Variants in TMEM25 observed in about 807,000 individuals in gnomAD.
TMEM25 encodes the protein 0610039J01Rik.
In TMEM25, 36 loss-of-function variants were observed where a neutral mutation model predicts 37.0. The observed-to-expected ratio is 0.97, with a 90% CI of 0.75 to 1.28. The LOEUF (loss-of-function observed/expected upper bound fraction) is 1.28, where lower values mean the gene tolerates loss of function less well. Among genes scored for constraint, TMEM25 ranks in the 50% most tolerant of loss-of-function variants. TMEM25 has a pLI of 0.00. For synonymous variants in TMEM25, 197 were observed against 203.7 expected, an observed-to-expected ratio of 0.97 and a Z score of 0.28; for missense variants, 444 against 477.9, an observed-to-expected ratio of 0.93 and a Z score of 0.66.
downstream of TMEM25, chr11:118,535,872 T>G (rs11602113): frequency 0.012 from 13,766 of 1,108,844 alleles, 118 homozygotes; most frequent in Non-Finnish European, 0.014. Context: ...TATGTTTTTG[T>G]TTTTGTTTTA....
chr11:118,541,754 C>G (rs1306924393), intron 8 of TMEM25, among the ~76,000 whole-genome samples: 1 of 151,806 alleles, frequency 6.6e-6, no homozygotes, highest in Admixed American at 6.6e-5. Context: ...GTTTAGCTCT[C>G]ACTTATTTTT....
At chr11:118,539,866 C>A (rs1951555815), downstream of TMEM25, among the ~76,000 whole-genome samples, 2 of 151,310 alleles carry the variant, frequency 1.3e-5, no homozygotes, top group South Asian at 4.2e-4. Context: ...ACTAAAAATA[C>A]AAAAATTAGC....
In TMEM25 at chr11:118,532,374, C is replaced by T. The variant is rs782370463; in HGVS notation, c.295C>T (p.His99Tyr). 6.2e-7 allele frequency: 1 copy of T among 1,614,212 alleles called. No individual in the cohort carries two copies. Among genetic ancestry groups the T allele is most frequent in the Admixed American group, 1.7e-5 (1 of 60,026 alleles). ...CACCAGCACCTTCACTGTCACTGCC[C>T]ATCGGGCCCAGCATGAGCTCAACTG... The part of the protein sequence containing the change: ...GGTSTFTVTA[H>Y]RAQHELNCSL... The change falls in exon 3 of 9, where the codon CAT becomes TAT. Residue 99 changes from histidine to tyrosine, a missense_variant. By Grantham distance (83) the His-to-Tyr change is moderately conservative. Transcript: ENST00000313236.
Position 118,531,247 on chromosome 11 carries a change from G to A in TMEM25, c.-28+13G>A, listed in dbSNP as rs1466167648. On this transcript the variant is annotated intron_variant, in intron 1 of 8. Coordinates refer to ENST00000313236, the MANE Select transcript of TMEM25 (RefSeq NM_032780.4). ...GGGAGGGAGCCAGGTGAGCCGCCCC[G>A]GTGGCGGGGGGCGGGGGCGGGATGC... 7.6e-6 allele frequency: 3 copies of A among 394,040 alleles called. No homozygotes were observed. Among genetic ancestry groups the A allele is most frequent in the African/African-American group, 4.3e-5 (2 of 46,026 alleles). The allele number at this position is 394,040 out of a possible 1,614,324, so 24.4% of individuals were successfully genotyped here. A position where few individuals can be genotyped will look rare whatever the true frequency, so the allele number is the denominator to read the frequency against.
chr11:118,544,531 T>C (rs1555066496), intron 8 of TMEM25: 1 of 192,080 alleles, frequency 5.2e-6, no homozygotes, highest in African/African-American at 2.4e-5. Context: ...AATCTGACAA[T>C]ATAATAGAGC....
Position 118,532,379 on chromosome 11 carries a change from G to C in TMEM25, c.300G>C (p.Arg100=). ...GTSTFTVTAH[R]AQHELNCSLQ... The stretch of plus-strand genomic sequence containing the variant: ...GCACCTTCACTGTCACTGCCCATCG[G>C]GCCCAGCATGAGCTCAACTGCTCTC... Residue 100 remains arginine, a synonymous_variant, in exon 3 of 9, where the codon CGG becomes CGC. Coordinates refer to ENST00000313236, the MANE Select transcript of TMEM25 (RefSeq NM_032780.4). 2 of 1,614,182 alleles carry C rather than the reference G, an allele frequency of 1.2e-6. No homozygotes were observed. The highest frequency in any genetic ancestry group is 1.7e-6 in the Non-Finnish European group (2 of 1,180,028).
chr11:118,539,148 G>T (rs939831248), downstream of TMEM25, among the ~76,000 whole-genome samples: 3 of 149,502 alleles, frequency 2.0e-5, no homozygotes, highest in African/African-American at 2.5e-5. Flanking sequence ...CTGTGCGTTT[G>T]AGGTCTTGGT....
chr11:118,531,664 A>G, intron 1 of TMEM25, 111 bp from the exon 2 acceptor site: 1 of 859,904 alleles, frequency 1.2e-6, no homozygotes, highest in South Asian at 1.8e-5. Context: ...GGGCTGGTCT[A>G]CATTTGCGTT....
At chr11:118,545,674 C>T (rs945493696) in intron 8 of TMEM25, 39 of 1,225,260 alleles carry the variant, frequency 3.2e-5, no homozygotes, top group African/African-American at 5.9e-5. Context: ...AAGAGCACAA[C>T]GGGCTTAAAG....
At position 118,532,299 on chromosome 11, in the gene TMEM25, G is replaced by A. The variant is rs782754802; in HGVS notation, c.220G>A (p.Ala74Thr). 2 of 1,614,230 alleles carry A rather than the reference G, an allele frequency of 1.2e-6. No individual in the cohort carries two copies. Among genetic ancestry groups the A allele is most frequent in the South Asian group, 1.1e-5 (1 of 91,088 alleles). ...AWYLDGQLQE[A>T]STSRLLSVGG... ...GTATCTGGATGGACAGCTGCAGGAG[G>A]CCAGCACCTCAAGACTGCTGAGCGT... Residue 74 changes from alanine (A) to threonine (T), a missense_variant, in exon 3 of 9, where the codon GCC becomes ACC. Transcript: ENST00000313236.
Position 118,535,519 on chromosome 11 carries a change from C to T in TMEM25, c.*939C>T, listed in dbSNP as rs1951488728. The T allele has an allele frequency of 6.5e-7, 1 of 1,533,674 alleles. No homozygotes were observed. Among genetic ancestry groups the T allele is most frequent in the Non-Finnish European group, 8.7e-7 (1 of 1,145,406 alleles). On this transcript the variant is annotated 3_prime_UTR_variant, in exon 9 of 9. Coordinates refer to ENST00000313236, the MANE Select transcript of TMEM25 (RefSeq NM_032780.4). ...GGTTTTTCTCTCAGCATGTCTCCTC[C>T]ACCACGGGACCCCAGCCCTGACCAA...
At chr11:118,545,092 A>G (rs1951643994) in intron 8 of TMEM25, 1 of 1,068,372 alleles carries the variant, frequency 9.4e-7, no homozygotes, top group Admixed American at 2.0e-5. Context: ...TTTCTTTAAA[A>G]TGAACCCCCT....
intron 8 of TMEM25, among the ~76,000 whole-genome samples, chr11:118,543,509 A>G (rs1307484395): frequency 1.3e-5 from 2 of 152,050 alleles, no homozygotes; most frequent in African/African-American, 2.4e-5. Flanking sequence ...TTTTTTTGAG[A>G]AAGAGTTTTG....
chr11:118,532,905 G>A lies in TMEM25; in HGVS notation c.383-12G>A, dbSNP rs755128322. ...CTGTGGTGAGAGCATATTGGCCTCT[G>A]CTTTGTACCAGTCAAGCCAGAGATT... On this transcript the variant is annotated splice_polypyrimidine_tract_variant and intron_variant, in intron 3 of 8. Coordinates refer to ENST00000313236, the MANE Select transcript of TMEM25 (RefSeq NM_032780.4). 8.1e-6 allele frequency: 13 copies of A among 1,609,382 alleles called. No individual in the cohort carries two copies. Among genetic ancestry groups the A allele is most frequent in the Non-Finnish European group, 1.0e-5 (12 of 1,177,270 alleles).
downstream of TMEM25, among the ~76,000 whole-genome samples, chr11:118,537,356 T>C (rs1951524693): frequency 6.6e-6 from 1 of 151,774 alleles, no homozygotes; most frequent in South Asian, 2.1e-4. Flanking sequence ...AAAAAATTCG[T>C]AGAGACAGGG....
downstream of TMEM25, among the ~76,000 whole-genome samples, chr11:118,538,666 G>A (rs1331630393): frequency 6.6e-6 from 1 of 152,070 alleles, no homozygotes; most frequent in Non-Finnish European, 1.5e-5. Flanking sequence ...GCCGAGGCAG[G>A]TGGATCACTT....
At chr11:118,533,375 TG>T (rs1555060807) in intron 4 of TMEM25, 44 bp from the exon 5 acceptor site, 2 of 1,610,572 alleles carry the variant, frequency 1.2e-6, no homozygotes, top group Non-Finnish European at 1.7e-6. Flanking sequence ...ATGTTGGGGC[TG>T]GGGCACTACC....
chr11:118,532,100 A>G, intron 2 of TMEM25, 50 bp from the exon 3 acceptor site: 1 of 1,477,670 alleles, frequency 6.8e-7, no homozygotes, highest in Non-Finnish European at 9.0e-7. Context: ...GTCACAGCAC[A>G]GTACCAACCG....
chr11:118,543,016 C>T (rs1044576381), intron 8 of TMEM25, among the ~76,000 whole-genome samples: 1 of 152,012 alleles, frequency 6.6e-6, no homozygotes, highest in Non-Finnish European at 1.5e-5. Flanking sequence ...CTGAGGCAGT[C>T]GGATCATGAG....
Sources: allele counts gnomAD v4.1 joint callset (sites outside exome capture counted in the v4.1 genomes callset), GRCh38; gene constraint gnomAD v4.1.1; transcripts MANE v1.5; gene names NCBI Gene and HGNC (gene_info 2026-07-23, HGNC 2026-07-21).